The following EXPH5 variants were observed in gnomAD, a reference collection of about 807,000 sequenced individuals.
EXPH5 encodes the protein exophilin 5.
Under a neutral mutation model 41.1 loss-of-function variants are expected in EXPH5, and 42 were observed. The ratio of observed to expected loss-of-function variants is 1.02; its 90% CI spans 0.80 to 1.32. The LOEUF is 1.32. EXPH5 is among the 40% of genes most tolerant of loss of function. EXPH5 has a pLI of 0.00. For synonymous variants in EXPH5, 798 were observed against 833.5 expected, an observed-to-expected ratio of 0.96 and a Z score of 0.73; for missense variants, 2,298 against 2,314.5, an observed-to-expected ratio of 0.99 and a Z score of 0.15.
At position 108,510,578 on chromosome 11, in the gene EXPH5, GA is replaced by G. The variant is rs1355485181; in HGVS notation, c.4928del (p.Phe1643SerfsTer17). 6.2e-7 allele frequency: 1 copy of G among 1,614,082 alleles called. No homozygotes were observed. Among genetic ancestry groups the G allele is most frequent in the South Asian group, 1.1e-5 (1 of 91,068 alleles). ...SLGTVECNPL[F>X]PEPTPKSAES... ...CTGCAGATTTTGGAGTAGGCTCAGG[GA>G]ACAGTGGGTTGCACTCCACTGTGCC... On this transcript the variant is annotated frameshift_variant, in exon 6 of 6. Transcript: ENST00000265843. LOFTEE classifies it low-confidence loss of function (END_TRUNC).
intron 4 of EXPH5, among the ~76,000 whole-genome samples, chr11:108,523,116 C>T (rs920835752): frequency 1.3e-5 from 2 of 149,450 alleles, no homozygotes; most frequent in African/African-American, 4.9e-5. Flanking sequence ...GTGCAAGCAA[C>T]CCTTTCACCT....
chr11:108,506,475 C>G lies in EXPH5; in HGVS notation c.*3062G>C, dbSNP rs1028485511. 3 of 152,130 alleles carry G rather than the reference C, an allele frequency of 2.0e-5. No homozygotes were observed. Among genetic ancestry groups the G allele is most frequent in the Non-Finnish European group, 4.4e-5 (3 of 68,042 alleles). The allele number at this position is 152,130 out of a possible 1,614,324, so 9.4% of individuals were successfully genotyped here. On this transcript the variant is annotated 3_prime_UTR_variant, in exon 6 of 6. Transcript: ENST00000265843. ...GGCCCCAAAGCAGTTTCACCCTTAC[C>G]TAACTTACCTAACTCTTAATATAGC...
rs566695111 is a variant in EXPH5 at position 108,562,018 on chromosome 11, G to A, written c.120-20206C>T. The stretch of plus-strand genomic sequence containing the variant: ...ACATTCCGGTTCCTGAGGACTGGCC[G>A]TGCAGGGTTGAGGCCGTTTCCTGTG... On this transcript the variant is annotated intron_variant, in intron 1 of 5. Coordinates refer to ENST00000265843, the MANE Select transcript of EXPH5 (RefSeq NM_015065.3). 3.3e-5 allele frequency among the ~76,000 whole-genome samples: 5 copies of A among 152,152 alleles called. No individual in the cohort carries two copies. In the East Asian group the frequency reaches 5.8e-4, roughly 18 times the overall value.
At chr11:108,555,540 C>T (rs1483411714) in intron 1 of EXPH5, among the ~76,000 whole-genome samples, 2 of 152,208 alleles carry the variant, frequency 1.3e-5, no homozygotes, top group Non-Finnish European at 2.9e-5. Context: ...TCACCACCAT[C>T]TTTCACCTGG....
At chr11:108,562,199 T>C (rs1361229150) in intron 1 of EXPH5, among the ~76,000 whole-genome samples, 3 of 151,920 alleles carry the variant, frequency 2.0e-5, no homozygotes, top group Non-Finnish European at 4.4e-5. Context: ...CCAGCATTGA[T>C]TGGGACAGGA....
chr11:108,552,169 A>AGTGCT (rs1241320976), intron 1 of EXPH5: 1 of 151,176 alleles, frequency 6.6e-6, no homozygotes, highest in Non-Finnish European at 1.5e-5. Context: ...AGGAAGAGAA[A>AGTGCT]GCCCTGTGGT....
intron 1 of EXPH5, among the ~76,000 whole-genome samples, chr11:108,552,962 G>A (rs2093974007): frequency 3.9e-5 from 6 of 152,198 alleles, no homozygotes; most frequent in African/African-American, 1.4e-4. Context: ...TTGGGAGACC[G>A]AGGTGGGTGG....
At chr11:108,535,777 T>C (rs1284260331) in intron 3 of EXPH5, among the ~76,000 whole-genome samples, 3 of 152,184 alleles carry the variant, frequency 2.0e-5, no homozygotes, top group African/African-American at 7.2e-5. Context: ...CCACCAAGGC[T>C]CTTTGCATCT....
At chr11:108,549,156 G>C (rs1358382888) in intron 1 of EXPH5, among the ~76,000 whole-genome samples, 1 of 152,324 alleles carries the variant, frequency 6.6e-6, no homozygotes, top group East Asian at 1.9e-4. Flanking sequence ...AATTAGTCCA[G>C]CTTGACTCAA....
chr11:108,573,986 C>G (rs1352280775), intron 1 of EXPH5, among the ~76,000 whole-genome samples: 3 of 152,040 alleles, frequency 2.0e-5, no homozygotes, highest in African/African-American at 2.4e-5. Context: ...ACTGCAAGCT[C>G]CGCCTCCCGG....
chr11:108,559,079 G>A (rs1440459149), intron 1 of EXPH5, among the ~76,000 whole-genome samples: 1 of 152,152 alleles, frequency 6.6e-6, no homozygotes, highest in Non-Finnish European at 1.5e-5. Context: ...CCAGGAGCCT[G>A]ATTTATTCAA....
At chr11:108,577,393 CATTTT>C (rs897996726) in intron 1 of EXPH5, among the ~76,000 whole-genome samples, 4 of 151,734 alleles carry the variant, frequency 2.6e-5, no homozygotes, top group African/African-American at 7.3e-5. Context: ...TGATAATAGC[CATTTT>C]ATTTTATTTT....
At chr11:108,590,243 G>A (rs1229564932) in intron 1 of EXPH5, among the ~76,000 whole-genome samples, 1 of 151,990 alleles carries the variant, frequency 6.6e-6, no homozygotes, top group Non-Finnish European at 1.5e-5. Context: ...ATTTTTAAAG[G>A]GGCAGCATGG....
chr11:108,530,353 A>G (rs1197546701), intron 3 of EXPH5, among the ~76,000 whole-genome samples: 2 of 152,192 alleles, frequency 1.3e-5, no homozygotes, highest in African/African-American at 2.4e-5. Flanking sequence ...GCAGATATGT[A>G]AAGAGCCAAA....
chr11:108,562,438 A>G (rs1044186245), intron 1 of EXPH5, among the ~76,000 whole-genome samples: 1 of 150,686 alleles, frequency 6.6e-6, no homozygotes, highest in Non-Finnish European at 1.5e-5. Flanking sequence ...CTAAACAACA[A>G]CAAAAAAAAA....
chr11:108,550,640 G>A (rs2004820), intron 1 of EXPH5, among the ~76,000 whole-genome samples: 13 of 152,076 alleles, frequency 8.5e-5, no homozygotes, highest in East Asian at 7.7e-4. Context: ...TTAGCTGGGC[G>A]TGGTGGTGCA....
chr11:108,604,227 C>CAAAAA, the EXPH5 span, among the ~76,000 whole-genome samples: 2 of 109,702 alleles, frequency 1.8e-5, no homozygotes, highest in Non-Finnish European at 3.6e-5. Context: ...CCCATCTCTA[C>CAAAAA]AAAAAAAAAA....
upstream of EXPH5, among the ~76,000 whole-genome samples, chr11:108,594,573 A>G (rs2094135921): frequency 6.6e-6 from 1 of 152,208 alleles, no homozygotes; most frequent in East Asian, 1.9e-4. Context: ...TTATAAAGAT[A>G]TTCACATATA....
chr11:108,598,637 G>T (rs1374954712), upstream of EXPH5, among the ~76,000 whole-genome samples: 1 of 152,010 alleles, frequency 6.6e-6, no homozygotes, highest in East Asian at 1.9e-4. Context: ...GTGACCTGAG[G>T]GGTGTCAAGG....
Sources: allele counts gnomAD v4.1 joint callset (sites outside exome capture counted in the v4.1 genomes callset), GRCh38; gene constraint gnomAD v4.1.1; transcripts MANE v1.5; gene names NCBI Gene and HGNC (gene_info 2026-07-23, HGNC 2026-07-21).